Variants in PRICKLE2 observed in about 807,000 individuals in gnomAD.
The protein encoded by PRICKLE2 is prickle planar cell polarity protein 2, also known as prickle-like protein 2.
In PRICKLE2, 21 loss-of-function variants were observed where a neutral mutation model predicts 81.4. That is an observed-to-expected ratio of 0.26 (90% CI 0.18 to 0.37). The LOEUF (loss-of-function observed/expected upper bound fraction) is 0.37. Among genes scored for constraint, PRICKLE2 ranks in the 10% least tolerant of loss-of-function variants. The probability of loss-of-function intolerance (pLI) is 1.00; values close to 1 mark genes in which losing one functional copy is unlikely to be tolerated. For synonymous variants in PRICKLE2, 456 were observed against 421.5 expected (o/e 1.08, Z -1.00); for missense variants, 940 against 1,109.0 (o/e 0.85, Z 2.16).
Position 64,121,260 on chromosome 3 carries a change from T to C in PRICKLE2, c.1661-21335A>G, listed in dbSNP as rs563581775. ...CTCTCTGGATTATGCAAAAAAACGA[T>C]TGGGTGGGAAATTAGGTTTGGGAAT... is the stretch of plus-strand genomic sequence containing the variant. On this transcript the variant is annotated intron_variant, in intron 7 of 7. Transcript: ENST00000638394. 8.5e-5 allele frequency among the ~76,000 whole-genome samples: 13 copies of C among 152,278 alleles called. No homozygotes were observed. In the South Asian group the frequency reaches 1.9e-3, roughly 22 times the overall value.
At chr3:64,264,967 G>C (rs2079676441) in intron 2 of PRICKLE2, among the ~76,000 whole-genome samples, 1 of 152,138 alleles carries the variant, frequency 6.6e-6, no homozygotes, top group African/African-American at 2.4e-5. Flanking sequence ...ATCTTGCAGG[G>C]AGATCATTCA....
chr3:64,123,331 G>A (rs767656329), intron 7 of PRICKLE2, among the ~76,000 whole-genome samples: 10 of 152,218 alleles, frequency 6.6e-5, no homozygotes, highest in African/African-American at 2.4e-4. Flanking sequence ...GGTACAAGTT[G>A]AGTATCTCCA....
chr3:64,135,142 C>T (rs1009011677), intron 7 of PRICKLE2, among the ~76,000 whole-genome samples: 5 of 152,188 alleles, frequency 3.3e-5, no homozygotes, highest in South Asian at 2.1e-4. Flanking sequence ...ATAAATGACT[C>T]GAAGAAGCAA....
intron 1 of PRICKLE2, among the ~76,000 whole-genome samples, chr3:64,201,987 G>C (rs1303173030): frequency 6.6e-6 from 1 of 152,022 alleles, no homozygotes; most frequent in East Asian, 1.9e-4. Context: ...TTATTGAAAA[G>C]AATAATCTTT....
At position 64,244,922 on chromosome 3, in the gene PRICKLE2, T is replaced by A. The variant is rs2079324031; in HGVS notation, c.129-45955A>T. Among the ~76,000 whole-genome samples the A allele has an allele frequency of 1.3e-5, 2 of 152,166 alleles. 1 individual carries two copies. The highest frequency in any genetic ancestry group is 4.1e-4 in the South Asian group (2 of 4,830). On this transcript the variant is annotated intron_variant, in intron 2 of 8. Coordinates refer to the PRICKLE2 transcript ENST00000295902. ...GCACACATGAATATACCCCGAATAT[T>A]TCAAAACCAGGCTGCCAAGTTTTGA...
intron 7 of PRICKLE2, among the ~76,000 whole-genome samples, chr3:64,136,049 T>C (rs141917425): frequency 1.3e-5 from 2 of 152,200 alleles, no homozygotes; most frequent in African/African-American, 4.8e-5. Context: ...ATCCATACTA[T>C]GTAATTAAGA....
chr3:64,105,681 C>A (rs944142009), intron 7 of PRICKLE2: 1 of 152,200 alleles, frequency 6.6e-6, no homozygotes, highest in African/African-American at 2.4e-5. Flanking sequence ...AATGTTTTCT[C>A]CTTACTAATC....
At chr3:64,243,379 G>A (rs553971236) in intron 2 of PRICKLE2, among the ~76,000 whole-genome samples, 9 of 152,250 alleles carry the variant, frequency 5.9e-5, no homozygotes, top group Admixed American at 4.6e-4. Flanking sequence ...TTCCCCAGTC[G>A]TGAAAACCAA....
At chr3:64,168,401 A>C in intron 2 of PRICKLE2, among the ~76,000 whole-genome samples, 1 of 152,134 alleles carries the variant, frequency 6.6e-6, no homozygotes, top group East Asian at 1.9e-4. Context: ...AAAATCTCAT[A>C]ATGTTTTAAG....
chr3:64,126,795 C>G (rs933962831), intron 7 of PRICKLE2, among the ~76,000 whole-genome samples: 7 of 152,124 alleles, frequency 4.6e-5, no homozygotes, highest in African/African-American at 1.4e-4. Context: ...CCAGACTGGT[C>G]TCGAACTCCT....
At chr3:64,261,416 C>A (rs1252153341) in intron 2 of PRICKLE2, among the ~76,000 whole-genome samples, 1 of 152,182 alleles carries the variant, frequency 6.6e-6, no homozygotes, top group South Asian at 2.1e-4. Context: ...TTAAATGATG[C>A]AATCCTTGCC....
chr3:64,214,607 G>A (rs2078843365), intron 1 of PRICKLE2, among the ~76,000 whole-genome samples: 1 of 152,164 alleles, frequency 6.6e-6, no homozygotes, highest in Non-Finnish European at 1.5e-5. Context: ...GCAGTGAAAG[G>A]AAGGAGGAAA....
chr3:64,113,145 G>A (rs2076876618), intron 7 of PRICKLE2, among the ~76,000 whole-genome samples: 1 of 152,208 alleles, frequency 6.6e-6, no homozygotes. Flanking sequence ...TGAGGTGGCA[G>A]GGAGGGCTGC....
intron 2 of PRICKLE2, among the ~76,000 whole-genome samples, chr3:64,262,425 G>A (rs148944614): frequency 5.3e-5 from 8 of 152,196 alleles, no homozygotes; most frequent in African/African-American, 9.6e-5. Context: ...CTGAGAAGCC[G>A]ATTGGACATC....
At chr3:64,154,377 A>G (rs1340985057) in intron 5 of PRICKLE2, 3 of 94,294 alleles carry the variant, frequency 3.2e-5, no homozygotes, top group Non-Finnish European at 5.1e-5. Context: ...GTCTCTATTA[A>G]AAATACAAAA....
intron 7 of PRICKLE2, among the ~76,000 whole-genome samples, chr3:64,143,265 T>G (rs1412480345): frequency 6.6e-6 from 1 of 152,170 alleles, no homozygotes; most frequent in Non-Finnish European, 1.5e-5. Context: ...TAATTTTAAT[T>G]CGTTTAAATT....
chr3:64,198,069 A>G (rs829519), intron 2 of PRICKLE2, among the ~76,000 whole-genome samples: 111,612 of 151,436 alleles, frequency 0.74, 41,376 homozygotes, highest in East Asian at 0.96. Context: ...AAAATTAGCC[A>G]GGGGTGGTGG....
At chr3:64,112,168 A>G (rs147299900) in intron 7 of PRICKLE2, among the ~76,000 whole-genome samples, 1 of 152,246 alleles carries the variant, frequency 6.6e-6, no homozygotes, top group Non-Finnish European at 1.5e-5. Flanking sequence ...TTTATCACCT[A>G]TGCTCTTACC....
At chr3:64,179,596 G>T (rs1051563823) in intron 2 of PRICKLE2, among the ~76,000 whole-genome samples, 4 of 152,196 alleles carry the variant, frequency 2.6e-5, no homozygotes, top group Admixed American at 1.3e-4. Context: ...GGCCATGTAT[G>T]CATTAGGCAA....
Sources: allele counts gnomAD v4.1 joint callset (sites outside exome capture counted in the v4.1 genomes callset), GRCh38; gene constraint gnomAD v4.1.1; transcripts MANE v1.5; gene names NCBI Gene and HGNC (gene_info 2026-07-23, HGNC 2026-07-21).